RALYL: variants seen among roughly 807,000 people sequenced by gnomAD.
The protein encoded by RALYL is RNA-binding Raly-like protein.
RALYL carries 29 observed loss-of-function variants against 35.1 expected under a neutral mutation model. That is an observed-to-expected ratio of 0.83 (90% CI 0.61 to 1.13). RALYL has a LOEUF of 1.13. RALYL is among the 50% of genes most tolerant of loss of function. The pLI, the probability that RALYL is intolerant of heterozygous loss-of-function variation, is 0.00. For missense variants in RALYL, 359 were observed against 360.4 expected, an observed-to-expected ratio of 1.00 and a Z score of 0.03; for synonymous variants, 120 against 127.6, an observed-to-expected ratio of 0.94 and a Z score of 0.40.
intron 5 of RALYL, among the ~76,000 whole-genome samples, chr8:84,859,872 T>C (rs997558950): frequency 6.6e-6 from 1 of 151,654 alleles, no homozygotes; most frequent in Non-Finnish European, 1.5e-5. Context: ...AGAAAGAAAA[T>C]TAGTCATTTT....
chr8:84,471,052 T>A (rs1383013492), intron 1 of RALYL, among the ~76,000 whole-genome samples: 1 of 152,186 alleles, frequency 6.6e-6, no homozygotes, highest in Admixed American at 6.5e-5. Context: ...GAGCACTGCC[T>A]CTTGGCTCTG....
chr8:84,186,478 C>A (rs551856886), intron 1 of RALYL, among the ~76,000 whole-genome samples: 91 of 152,102 alleles, frequency 6.0e-4, no homozygotes, highest in South Asian at 1.2e-3. Flanking sequence ...TCGTTTAGTT[C>A]TTTTAAGAGA....
chr8:84,476,227 T>C (rs959964100), intron 1 of RALYL, among the ~76,000 whole-genome samples: 3 of 152,162 alleles, frequency 2.0e-5, no homozygotes, highest in Non-Finnish European at 4.4e-5. Context: ...CAATGTGAGA[T>C]GAATCTAATT....
chr8:84,372,886 G>GTTTTTTTTTTTTTGTTTTGTTTTTTTTTT (rs1856071710), intron 1 of RALYL, among the ~76,000 whole-genome samples: 7 of 39,064 alleles, frequency 1.8e-4, no homozygotes, highest in African/African-American at 2.2e-4. Context: ...GCCAGCATCT[G>GTTTTTTTTTTTTTGTTTTGTTTTTTTTTT]TTTTTTTTTT....
At chr8:84,745,286 T>C (rs979133589) in intron 2 of RALYL, among the ~76,000 whole-genome samples, 5 of 152,038 alleles carry the variant, frequency 3.3e-5, no homozygotes, top group African/African-American at 1.2e-4. Flanking sequence ...ACGTTTATGA[T>C]AGTATTTATA....
At chr8:84,387,966 G>T (rs981493787) in intron 1 of RALYL, among the ~76,000 whole-genome samples, 9 of 151,746 alleles carry the variant, frequency 5.9e-5, no homozygotes, top group African/African-American at 2.2e-4. Context: ...CTAGCATTAG[G>T]TATATCTCCC....
At chr8:84,843,336 G>C (rs911648234) in intron 4 of RALYL, among the ~76,000 whole-genome samples, 3 of 152,096 alleles carry the variant, frequency 2.0e-5, no homozygotes, top group Non-Finnish European at 4.4e-5. Context: ...GACAAACAGA[G>C]GGCCAAATCA....
At chr8:84,378,686 G>A (rs16912742) in intron 1 of RALYL, among the ~76,000 whole-genome samples, 4,498 of 151,732 alleles carry the variant, frequency 0.03, 217 homozygotes, top group African/African-American at 0.1. Flanking sequence ...TATGGTTTCC[G>A]CGAGATCTAG....
At chr8:84,915,748 G>A (rs1162105986) in intron 8 of RALYL, among the ~76,000 whole-genome samples, 2 of 152,046 alleles carry the variant, frequency 1.3e-5, no homozygotes, top group Non-Finnish European at 2.9e-5. Context: ...CAGTTCTGAA[G>A]ACATCATTAT....
intron 1 of RALYL, among the ~76,000 whole-genome samples, chr8:84,278,328 C>T (rs1835832366): frequency 6.6e-6 from 1 of 152,214 alleles, no homozygotes; most frequent in African/African-American, 2.4e-5. Context: ...TGTCCCAAAG[C>T]TGCATCAAGT....
Position 84,666,350 on chromosome 8 carries a change from G to A in RALYL, c.257-108229G>A, listed in dbSNP as rs961455471. 1.1e-4 allele frequency among the ~76,000 whole-genome samples: 17 copies of A among 151,874 alleles called. 1 individual carries two copies. The highest frequency in any genetic ancestry group is 3.1e-4 in the African/African-American group (13 of 41,354). On this transcript the variant is annotated intron_variant, in intron 2 of 8. Transcript: ENST00000521268. The stretch of plus-strand genomic sequence containing the variant: ...AAAATATACATACGAAAATGAGTAC[G>A]CATGTGCACACACATGTATACAGGC...
At chr8:84,630,727 T>C (rs1440291785) in intron 2 of RALYL, among the ~76,000 whole-genome samples, 1 of 152,018 alleles carries the variant, frequency 6.6e-6, no homozygotes, top group African/African-American at 2.4e-5. Context: ...ATGGCTGTAT[T>C]CCCTGTGCCC....
intron 3 of RALYL, among the ~76,000 whole-genome samples, chr8:84,791,664 G>A (rs968834941): frequency 7.2e-5 from 11 of 152,272 alleles, no homozygotes; most frequent in Admixed American, 6.5e-4. Context: ...AAATGGTTAT[G>A]TTACTGATTG....
intron 1 of RALYL, among the ~76,000 whole-genome samples, chr8:84,206,333 G>A (rs1818041962): frequency 6.6e-6 from 1 of 152,004 alleles, no homozygotes; most frequent in Non-Finnish European, 1.5e-5. Context: ...CCTTCCTCGT[G>A]GTACCTAAAG....
intron 2 of RALYL, among the ~76,000 whole-genome samples, chr8:84,735,706 A>G (rs190113950): frequency 6.6e-6 from 1 of 152,060 alleles, no homozygotes; most frequent in East Asian, 1.9e-4. Context: ...TCTCCAGCCA[A>G]TTATTGAGCA....
At chr8:84,758,026 G>A (rs1811834317) in intron 2 of RALYL, among the ~76,000 whole-genome samples, 1 of 152,126 alleles carries the variant, frequency 6.6e-6, no homozygotes, top group Non-Finnish European at 1.5e-5. Context: ...AGTTTTGACA[G>A]CTCTGATCCA....
intron 1 of RALYL, among the ~76,000 whole-genome samples, chr8:84,278,951 C>A (rs1301375798): frequency 6.6e-6 from 1 of 152,184 alleles, no homozygotes; most frequent in African/African-American, 2.4e-5. Context: ...TATAGTAGCA[C>A]CTCACTCCTG....
At chr8:84,632,004 G>C (rs893078649) in intron 2 of RALYL, among the ~76,000 whole-genome samples, 8 of 151,418 alleles carry the variant, frequency 5.3e-5, no homozygotes, top group African/African-American at 1.9e-4. Context: ...AAATTCATAC[G>C]TTGAAATTGT....
intron 1 of RALYL, among the ~76,000 whole-genome samples, chr8:84,287,317 AGGTT>A (rs1837816172): frequency 7.0e-6 from 1 of 142,612 alleles, no homozygotes; most frequent in African/African-American, 2.5e-5. Flanking sequence ...CTACTGGGCT[AGGTT>A]ATTAGGAAGA....
Sources: gnomAD v4.1 joint callset for allele counts (sites outside exome capture counted in the v4.1 genomes callset) on GRCh38, gnomAD v4.1.1 for gene constraint, MANE v1.5 for transcripts, NCBI Gene and HGNC (gene_info 2026-07-23, HGNC 2026-07-21) for gene names.